YJEFN3: variants seen among roughly 807,000 people sequenced by gnomAD.
The protein encoded by YJEFN3 is YjeF N-terminal domain containing 3, also known as yjeF N-terminal domain-containing protein 3.
YJEFN3 carries 29 observed loss-of-function variants against 31.5 expected under a neutral mutation model. The ratio of observed to expected loss-of-function variants is 0.92; its 90% CI spans 0.69 to 1.26. YJEFN3 has a LOEUF of 1.26. YJEFN3 is among the 50% of genes most tolerant of loss of function. The pLI, the probability that YJEFN3 is intolerant of heterozygous loss-of-function variation, is 0.00. For synonymous variants in YJEFN3, 227 were observed against 196.1 expected (o/e 1.16, Z -1.32); for missense variants, 442 against 425.4 (o/e 1.04, Z -0.34).
intron 2 of YJEFN3, among the ~76,000 whole-genome samples, chr19:19,529,884 T>G (rs1420746888): frequency 6.6e-6 from 1 of 151,982 alleles, no homozygotes. Context: ...GGTGAGGAGT[T>G]TGGAGTTTGA....
In YJEFN3 at chr19:19,534,366, A is replaced by C. The variant is rs2061186474; in HGVS notation, c.319-668A>C. Reference sequence around the variant, plus strand: ...GCCAGAGACAGATGGAGAGAGACAGAGACACAAAGAGAGCCAGAGACACAG... The same window carrying C: ...GCCAGAGACAGATGGAGAGAGACAGCGACACAAAGAGAGCCAGAGACACAG... On this transcript the variant is annotated intron_variant, in intron 3 of 6. Transcript: ENST00000514277. This position sits in a 1 kb window ranked among gnomAD's most constrained non-coding sequence, Gnocchi z 4.6. The C allele has an allele frequency of 5.4e-6, 1 of 184,864 alleles. No individual in the cohort carries two copies. The highest frequency in any genetic ancestry group is 1.8e-4 in the South Asian group (1 of 5,436). 11.5% of individuals were successfully genotyped at this position (184,864 alleles called of 1,614,324 possible).
At chr19:19,535,310 T>C (rs1388627620) in intron 4 of YJEFN3, 27 bp from the exon 5 acceptor site, 4 of 1,601,486 alleles carry the variant, frequency 2.5e-6, no homozygotes, top group Non-Finnish European at 3.4e-6. Flanking sequence ...GTCAGGGGAG[T>C]CTGACCCCCT....
rs559948895 is a variant in YJEFN3, at chr19:19,531,491, C to G, written c.210-1141C>G. Among the ~76,000 whole-genome samples, 241 of 152,284 alleles carry G rather than the reference C, an allele frequency of 1.6e-3. 1 individual carries two copies. The highest frequency in any genetic ancestry group is 5.6e-3 in the African/African-American group (233 of 41,542). On this transcript the variant is annotated intron_variant, in intron 2 of 6. Coordinates refer to ENST00000514277, the MANE Select transcript of YJEFN3 (RefSeq NM_198537.4). ...AGTGCAGTGGCGTGATCATAGCTCA[C>G]TGCAGCCTCCACCTCCCAGATTGAA...
chr19:19,529,495 C>CA lies in YJEFN3; in HGVS notation c.192dup (p.Gly65ArgfsTer36). 1 of 1,613,886 alleles carries CA rather than the reference C, an allele frequency of 6.2e-7. No homozygotes were observed. The highest frequency in any genetic ancestry group is 8.5e-7 in the Non-Finnish European group (1 of 1,179,872). ...TCATGGCTAGAGCAGATTTGGAACG[C>CA]AGGGCCTGTTTGCCAGAGGTTGGTG... On this transcript the variant is annotated frameshift_variant, in exon 2 of 7. Transcript: ENST00000514277. LOFTEE classifies it high-confidence loss of function.
In YJEFN3 at chr19:19,529,506, T is replaced by G. The variant is rs779297816; in HGVS notation, c.202T>G (p.Cys68Gly). The G allele has an allele frequency of 6.2e-7, 1 of 1,613,614 alleles. No individual in the cohort carries two copies. Among genetic ancestry groups the G allele is most frequent in the Non-Finnish European group, 8.5e-7 (1 of 1,179,704 alleles). The change falls in exon 2 of 7, where the codon TGC becomes GGC. Residue 68 changes from cysteine (C) to glycine (G), a missense_variant. Cys to Gly is a radical substitution (Grantham distance 159). Coordinates refer to ENST00000514277, the MANE Select transcript of YJEFN3 (RefSeq NM_198537.4). ...GCAGATTTGGAACGCAGGGCCTGTTTGCCAGAGGTTGGTGAGTTTGGGATC... is the reference window on the plus strand; with the variant it reads ...GCAGATTTGGAACGCAGGGCCTGTTGGCCAGAGGTTGGTGAGTTTGGGATC... ...LEQIWNAGPV[C>G]QSTAEAAALE...
At position 19,533,239 on chromosome 19, in the gene YJEFN3, G is replaced by A. The variant is rs1181540458; in HGVS notation, c.318+499G>A. The A allele has an allele frequency of 3.0e-6, 3 of 988,680 alleles. No individual in the cohort carries two copies. The African/African-American group carries it at 5.2e-5, about 17-fold the overall frequency. 61.2% of individuals were successfully genotyped at this position (988,680 alleles called of 1,614,324 possible). On this transcript the variant is annotated intron_variant, in intron 3 of 6. Coordinates refer to ENST00000514277, the MANE Select transcript of YJEFN3 (RefSeq NM_198537.4). ...CGAGGGGCCAGGAGGATGACACAAG[G>A]GTGATAGCAATAATCATACTATGGA...
intron 2 of YJEFN3, 131 bp downstream of exon 2, chr19:19,529,644 T>C: frequency 1.7e-6 from 2 of 1,209,626 alleles, no homozygotes; most frequent in Non-Finnish European, 2.3e-6. Flanking sequence ...CAACAGCTCC[T>C]GCCCACTGCC....
At chr19:19,529,809 A>G (rs2061136766) in intron 2 of YJEFN3, among the ~76,000 whole-genome samples, 1 of 152,156 alleles carries the variant, frequency 6.6e-6, no homozygotes, top group African/African-American at 2.4e-5. Context: ...AGGGGTGGGT[A>G]GGAGCTAGAA....
At chr19:19,529,257 A>G in intron 1 of YJEFN3, 107 bp from the exon 2 acceptor site, 1 of 1,460,338 alleles carries the variant, frequency 6.8e-7, no homozygotes, top group East Asian at 2.5e-5. Flanking sequence ...TTGCTGGGGA[A>G]ACTGCCTCCG....
chr19:19,535,595 G>A lies in YJEFN3; in HGVS notation c.610G>A (p.Gly204Ser), dbSNP rs1211547340. 2 of 1,582,112 alleles carry A rather than the reference G, an allele frequency of 1.3e-6. No individual in the cohort carries two copies. The highest frequency in any genetic ancestry group is 1.8e-5 in the Admixed American group (1 of 55,880). The change falls in exon 6 of 7, where the codon GGC (glycine) becomes AGC (serine). Residue 204 changes from glycine (G) to serine (S), a missense_variant. Physicochemically the swap from Gly to Ser is moderately conservative, Grantham distance 56. Transcript: ENST00000514277. ...DAVLGPGVEP[G>S]EVGGPCTRAL... ...CGTACTGGGCCCCGGCGTGGAGCCG[G>A]GCGAGGTCGGGGGCCCCTGCACCCG...
rs2061184639 is a variant in YJEFN3 at position 19,534,192 on chromosome 19, C to A, written c.319-842C>A. On this transcript the variant is annotated intron_variant, in intron 3 of 6. Coordinates refer to ENST00000514277, the MANE Select transcript of YJEFN3 (RefSeq NM_198537.4). The surrounding 1 kb of genome is among the most constrained non-coding windows in gnomAD (Gnocchi z 4.6). ...CAGAGTCTGAGAGATACAGAGATGG[C>A]CAGAGACAGATGGAGAGAGACAGAT... 2.0e-6 allele frequency: 2 copies of A among 979,534 alleles called. No homozygotes were observed. The highest frequency in any genetic ancestry group is 2.4e-6 in the Non-Finnish European group (2 of 824,766). The allele number at this position is 979,534 out of a possible 1,614,324, so 60.7% of individuals were successfully genotyped here.
chr19:19,535,578 G>GCC lies in YJEFN3; in HGVS notation c.596_597dup (p.Gly200ProfsTer27). On this transcript the variant is annotated frameshift_variant, in exon 6 of 7. Coordinates refer to ENST00000514277, the MANE Select transcript of YJEFN3 (RefSeq NM_198537.4). LOFTEE classifies it high-confidence loss of function. ...GGGCTGGTGGTGGATGCCGTACTGG[G>GCC]CCCCGGCGTGGAGCCGGGCGAGGTC... The GCC allele has an allele frequency of 6.3e-7, 1 of 1,582,208 alleles. No individual in the cohort carries two copies. Among genetic ancestry groups the GCC allele is most frequent in the Non-Finnish European group, 8.6e-7 (1 of 1,163,692 alleles).
At chr19:19,529,231 G>C in intron 1 of YJEFN3, 133 bp from the exon 2 acceptor site, 1 of 1,449,606 alleles carries the variant, frequency 6.9e-7, no homozygotes, top group Non-Finnish European at 9.1e-7. Flanking sequence ...CATCTTGCTG[G>C]AGACACTAAG....
chr19:19,536,407 T>C (rs758181822), intron 6 of YJEFN3, among the ~76,000 whole-genome samples: 12 of 151,634 alleles, frequency 7.9e-5, no homozygotes, highest in Non-Finnish European at 1.8e-4. Flanking sequence ...GGAGGCTGGG[T>C]GCAGGGGTCA....
At chr19:19,536,049 G>A in intron 6 of YJEFN3, 1 of 520,826 alleles carries the variant, frequency 1.9e-6, no homozygotes, top group Non-Finnish European at 3.4e-6. Context: ...CCGCTGGCCA[G>A]CCGGACCCTC....
chr19:19,530,247 C>A (rs1260579372), intron 2 of YJEFN3, among the ~76,000 whole-genome samples: 2 of 152,094 alleles, frequency 1.3e-5, no homozygotes, highest in East Asian at 3.9e-4. Flanking sequence ...CTTGAAGCTT[C>A]TCTCATCTAG....
At chr19:19,533,809 G>T in intron 3 of YJEFN3, 2 of 985,434 alleles carry the variant, frequency 2.0e-6, no homozygotes, top group Non-Finnish European at 2.4e-6. Context: ...GTCACTACTC[G>T]CCTGGCGCTC....
At chr19:19,529,648 C>A in intron 2 of YJEFN3, 135 bp downstream of exon 2, 1 of 1,188,280 alleles carries the variant, frequency 8.4e-7, no homozygotes, top group Non-Finnish European at 1.2e-6. Context: ...AGCTCCTGCC[C>A]ACTGCCCACC....
At chr19:19,533,608 A>G in intron 3 of YJEFN3, 2 of 852,652 alleles carry the variant, frequency 2.3e-6, no homozygotes, top group Non-Finnish European at 1.4e-6. Context: ...CCTCCTCCCC[A>G]TCCTCCTCCT....
Sources: allele counts gnomAD v4.1 joint callset (sites outside exome capture counted in the v4.1 genomes callset), GRCh38; gene constraint gnomAD v4.1.1; non-coding constraint Gnocchi (gnomAD v3.1); transcripts MANE v1.5; gene names NCBI Gene and HGNC (gene_info 2026-07-23, HGNC 2026-07-21).